VDAC2: variants seen among roughly 807,000 people sequenced by gnomAD.
The protein encoded by VDAC2 is voltage dependent anion channel 2.
A neutral mutation model predicts 36.6 loss-of-function variants in VDAC2; 6 were observed. The observed-to-expected ratio is 0.16, with a 90% confidence interval of 0.09 to 0.32. The LOEUF (loss-of-function observed/expected upper bound fraction) is 0.32, where lower values mean the gene tolerates loss of function less well. VDAC2 is among the 10% of genes least tolerant of loss of function. The pLI is 1.00. For missense variants in VDAC2, 247 were observed against 346.0 expected (o/e 0.71, Z 2.27); for synonymous variants, 109 against 123.8 (o/e 0.88, Z 0.79).
At chr10:75,214,174 G>A in intron 4 of VDAC2, 104 bp downstream of exon 4, 1 of 1,229,502 alleles carries the variant, frequency 8.1e-7, no homozygotes, top group South Asian at 1.3e-5. Context: ...TAAAGAAGAG[G>A]CAGAAGTTAA....
intron 8 of VDAC2, among the ~76,000 whole-genome samples, chr10:75,224,903 C>T (rs1476548614): frequency 2.6e-5 from 4 of 152,128 alleles, no homozygotes; most frequent in Admixed American, 2.0e-4. Context: ...GCTTATTAAT[C>T]AAGATAAAGG....
chr10:75,211,018 T>G, intron 1 of VDAC2, 80 bp downstream of exon 1: 3 of 956,744 alleles, frequency 3.1e-6, no homozygotes, highest in Non-Finnish European at 4.3e-6. Context: ...GGACTCGGAG[T>G]CGGCCCTGGC....
chr10:75,214,740 G>T (rs541570363), intron 4 of VDAC2, among the ~76,000 whole-genome samples: 1 of 152,342 alleles, frequency 6.6e-6, no homozygotes, highest in South Asian at 2.1e-4. Flanking sequence ...GGCCAGGCTG[G>T]TCTCCAACTC....
At chr10:75,211,028 C>T (rs1331926925) in intron 1 of VDAC2, 90 bp downstream of exon 1, 28 of 1,125,512 alleles carry the variant, frequency 2.5e-5, no homozygotes, top group South Asian at 3.5e-5. Flanking sequence ...TCGGCCCTGG[C>T]TTCCTAAGAT....
intron 4 of VDAC2, among the ~76,000 whole-genome samples, chr10:75,216,137 C>T (rs1841597217): frequency 6.6e-6 from 1 of 152,050 alleles, no homozygotes; most frequent in Non-Finnish European, 1.5e-5. Flanking sequence ...GCCAAGTTAA[C>T]AGGTTACAGA....
chr10:75,217,784 C>T (rs1156235758), intron 4 of VDAC2: 2 of 618,022 alleles, frequency 3.2e-6, no homozygotes, highest in East Asian at 7.1e-5. Flanking sequence ...AAGGATTTGT[C>T]TCTAACAGCA....
intron 4 of VDAC2, among the ~76,000 whole-genome samples, chr10:75,214,455 AT>A (rs1841535166): frequency 6.6e-6 from 1 of 152,186 alleles, no homozygotes; most frequent in Admixed American, 6.6e-5. Context: ...CATTTATATA[AT>A]GTCCATTTTC....
At chr10:75,230,267 G>C (rs1035756541) in intron 9 of VDAC2, among the ~76,000 whole-genome samples, 1 of 152,210 alleles carries the variant, frequency 6.6e-6, no homozygotes, top group Non-Finnish European at 1.5e-5. Flanking sequence ...CTAAAGAAAA[G>C]TTGGAAGAAT....
At chr10:75,220,671 T>C in intron 6 of VDAC2, 72 bp from the exon 7 acceptor site, 1 of 1,332,786 alleles carries the variant, frequency 7.5e-7, no homozygotes. Context: ...TTTATTTAAG[T>C]CTGTTTTGTG....
chr10:75,224,389 T>C (rs888034501), intron 8 of VDAC2, among the ~76,000 whole-genome samples: 1 of 152,096 alleles, frequency 6.6e-6, no homozygotes, highest in African/African-American at 2.4e-5. Flanking sequence ...TGGGATTTGC[T>C]AGAGTGGCTC....
chr10:75,226,337 C>A (rs1453089221), intron 8 of VDAC2, among the ~76,000 whole-genome samples: 2 of 151,754 alleles, frequency 1.3e-5, no homozygotes, highest in South Asian at 2.1e-4. Flanking sequence ...ATAACCCTTG[C>A]AATTTCCCAA....
At chr10:75,225,880 C>T (rs1438259324) in intron 8 of VDAC2, among the ~76,000 whole-genome samples, 4 of 152,088 alleles carry the variant, frequency 2.6e-5, no homozygotes, top group Non-Finnish European at 5.9e-5. Context: ...GCAACCTCCA[C>T]CTCCTGGGTT....
intron 4 of VDAC2, among the ~76,000 whole-genome samples, chr10:75,217,439 GCCATC>G (rs1228626773): frequency 6.6e-6 from 1 of 152,132 alleles, no homozygotes; most frequent in African/African-American, 2.4e-5. Flanking sequence ...GTGCAGTGGT[GCCATC>G]TTGGCTCACT....
chr10:75,211,339 G>GC (rs1841413408), intron 2 of VDAC2, 150 bp downstream of exon 2: 2 of 1,371,838 alleles, frequency 1.5e-6, no homozygotes, highest in African/African-American at 2.9e-5. Flanking sequence ...CCTCCTCTGC[G>GC]GAGGAGGGGC....
rs1429616487 is a variant in VDAC2 at position 75,211,716 on chromosome 10, C to T, written c.32-514C>T. ...GATGTAGACATTTGAGTGAAACACA[C>T]ATGGCAGTATTTTTTCCAAGTTTCA... On this transcript the variant is annotated intron_variant, in intron 2 of 9. Transcript: ENST00000332211. 3.9e-6 allele frequency: 6 copies of T among 1,525,094 alleles called. No homozygotes were observed. The African/African-American group carries it at 5.5e-5, about 14-fold the overall frequency. 94.5% of individuals were successfully genotyped at this position (1,525,094 alleles called of 1,614,324 possible). A position where few individuals can be genotyped will look rare whatever the true frequency, so the allele number is the denominator to read the frequency against.
chr10:75,225,785 C>T (rs1029298330), intron 8 of VDAC2, among the ~76,000 whole-genome samples: 10 of 151,744 alleles, frequency 6.6e-5, no homozygotes, highest in Middle Eastern at 3.4e-3. Context: ...TTCATAGGAC[C>T]GAGTAGGTTT....
rs1466644329 is a variant in VDAC2, at chr10:75,212,400, C to T, written c.100+102C>T. 4.6e-6 allele frequency: 5 copies of T among 1,083,304 alleles called. No homozygotes were observed. The East Asian group carries it at 7.6e-5, about 17-fold the overall frequency. The allele number at this position is 1,083,304 out of a possible 1,614,324, so 67.1% of individuals were successfully genotyped here. A position where few individuals can be genotyped will look rare whatever the true frequency, so the allele number is the denominator to read the frequency against. Reference sequence around the variant, plus strand: ...ATCATTGCAAATTGTAAATATCTTGCTGCTTTAAATTTAGAGTTACTTATT... The same window carrying T: ...ATCATTGCAAATTGTAAATATCTTGTTGCTTTAAATTTAGAGTTACTTATT... On this transcript the variant is annotated intron_variant, in intron 3 of 9. Coordinates refer to ENST00000332211, the MANE Select transcript of VDAC2 (RefSeq NM_001391963.1).
At chr10:75,217,490 G>T (rs1841642087) in intron 4 of VDAC2, among the ~76,000 whole-genome samples, 1 of 152,158 alleles carries the variant, frequency 6.6e-6, no homozygotes, top group Admixed American at 6.5e-5. Context: ...TGATTTTCCT[G>T]CCTCAGACTC....
intron 4 of VDAC2, chr10:75,217,841 G>C (rs1481537585): frequency 8.8e-7 from 1 of 1,134,654 alleles, no homozygotes; most frequent in Admixed American, 2.6e-5. Flanking sequence ...AAGGTTGACT[G>C]GCCTTTCCTC....
Sources: allele counts gnomAD v4.1 joint callset (sites outside exome capture counted in the v4.1 genomes callset), GRCh38; gene constraint gnomAD v4.1.1; transcripts MANE v1.5; gene names NCBI Gene and HGNC (gene_info 2026-07-23, HGNC 2026-07-21).